Variants in PCDHGA7 observed in about 807,000 individuals in gnomAD.
PCDHGA7 encodes protocadherin gamma subfamily A, 7.
Under a neutral mutation model 58.3 loss-of-function variants are expected in PCDHGA7, and 44 were observed. The observed-to-expected ratio is 0.75, with a 90% CI of 0.59 to 0.97. The LOEUF is 0.97. Ranked by LOEUF, PCDHGA7 falls within the 50% of genes least tolerant of loss-of-function variation. The probability of loss-of-function intolerance (pLI) is 0.00; values close to 1 mark genes in which losing one functional copy is unlikely to be tolerated. For synonymous variants in PCDHGA7, 516 were observed against 504.2 expected, an observed-to-expected ratio of 1.02 and a Z score of -0.31; for missense variants, 1,266 against 1,188.7, an observed-to-expected ratio of 1.06 and a Z score of -0.96.
At chr5:141,418,740 TG>T in intron 1 of PCDHGA7, 1 of 1,613,972 alleles carries the variant, frequency 6.2e-7, no homozygotes, top group Non-Finnish European at 8.5e-7. Context: ...GTGTTCTCTC[TG>T]GATTACACTA....
intron 1 of PCDHGA7, among the ~76,000 whole-genome samples, chr5:141,472,711 C>T (rs1014451209): frequency 4.6e-5 from 7 of 151,904 alleles, no homozygotes; most frequent in Admixed American, 2.0e-4. Context: ...ACAGGCCAGG[C>T]GCTGTGGCTC....
chr5:141,413,880 T>G, intron 1 of PCDHGA7: 1 of 1,613,420 alleles, frequency 6.2e-7, no homozygotes, highest in Non-Finnish European at 8.5e-7. Flanking sequence ...TCAGTGTGAC[T>G]GTCTTCGATG....
intron 2 of PCDHGA7, among the ~76,000 whole-genome samples, chr5:141,501,018 G>A (rs1337771734): frequency 2.0e-5 from 3 of 151,882 alleles, no homozygotes; most frequent in East Asian, 1.9e-4. Context: ...ACAGGCACGC[G>A]CCACCACGCC....
intron 1 of PCDHGA7, among the ~76,000 whole-genome samples, chr5:141,433,408 A>ATCT (rs1413347413): frequency 3.1e-3 from 395 of 127,344 alleles, no homozygotes; most frequent in African/African-American, 0.011. Context: ...TCTATCTATT[A>ATCT]CTTTCTTGTA....
chr5:141,497,540 CTTT>C (rs754207034), intron 2 of PCDHGA7, among the ~76,000 whole-genome samples: 11 of 134,886 alleles, frequency 8.2e-5, no homozygotes, highest in African/African-American at 1.9e-4. Context: ...TGCAACAAAC[CTTT>C]TTTTTTTTTT....
intron 1 of PCDHGA7, chr5:141,421,270 C>G: frequency 6.2e-7 from 1 of 1,612,094 alleles, no homozygotes; most frequent in Non-Finnish European, 8.5e-7. Context: ...TCGGCTGCTG[C>G]TGCTGCTGTG....
At chr5:141,396,955 C>T (rs1476582665) in intron 1 of PCDHGA7, among the ~76,000 whole-genome samples, 2 of 152,156 alleles carry the variant, frequency 1.3e-5, no homozygotes, top group Non-Finnish European at 2.9e-5. Context: ...AAAGAAAATC[C>T]TTACTCTCCC....
chr5:141,505,960 G>A (rs2099849410), intron 3 of PCDHGA7, among the ~76,000 whole-genome samples: 1 of 152,202 alleles, frequency 6.6e-6, no homozygotes, highest in Non-Finnish European at 1.5e-5. Context: ...AGTGGGTGTA[G>A]AAATCCCCAG....
At chr5:141,421,318 C>A (rs370020854) in intron 1 of PCDHGA7, 1 of 1,613,822 alleles carries the variant, frequency 6.2e-7, no homozygotes. Context: ...CCGGGCCAGG[C>A]AGATCCGATA....
chr5:141,383,440 G>A lies in PCDHGA7; in HGVS notation c.541G>A (p.Ala181Thr). 6.2e-7 allele frequency: 1 copy of A among 1,613,950 alleles called. No individual in the cohort carries two copies. Among genetic ancestry groups the A allele is most frequent in the Non-Finnish European group, 8.5e-7 (1 of 1,179,886 alleles). ...CAGCCCCAATCGCCACTTCTCCCTG[G>A]CTGTGCAAAGTGGAGACGATGAAAC... ...QLSPNRHFSL[A>T]VQSGDDETKY... The change falls in exon 1 of 4, where the codon GCT becomes ACT. Residue 181 changes from alanine to threonine, a missense_variant. Coordinates refer to ENST00000518325, the MANE Select transcript of PCDHGA7 (RefSeq NM_018920.4).
At chr5:141,413,411 T>TC in intron 1 of PCDHGA7, 1 of 1,614,038 alleles carries the variant, frequency 6.2e-7, no homozygotes, top group Non-Finnish European at 8.5e-7. Flanking sequence ...ACGCAGCTTT[T>TC]CTCTCTGAAC....
At chr5:141,440,113 G>A (rs1375262224) in intron 1 of PCDHGA7, 1 of 152,248 alleles carries the variant, frequency 6.6e-6, no homozygotes, top group Non-Finnish European at 1.5e-5. Context: ...ACTTACTTGT[G>A]AATGACTGAA....
chr5:141,390,187 G>T, intron 1 of PCDHGA7: 1 of 1,614,040 alleles, frequency 6.2e-7, no homozygotes, highest in Non-Finnish European at 8.5e-7. Flanking sequence ...CTAAAATGTA[G>T]TGAGCAGTTG....
At chr5:141,430,945 C>G (rs1466092130) in intron 1 of PCDHGA7, 1 of 1,609,234 alleles carries the variant, frequency 6.2e-7, no homozygotes, top group Non-Finnish European at 8.5e-7. Context: ...TCGCGGAGCG[C>G]GGAGTCCGCA....
intron 1 of PCDHGA7, among the ~76,000 whole-genome samples, chr5:141,463,179 A>G (rs1261927835): frequency 6.6e-6 from 1 of 152,082 alleles, no homozygotes; most frequent in Non-Finnish European, 1.5e-5. Context: ...GTATGCTCAG[A>G]TTATTATTTA....
At chr5:141,410,189 G>A in intron 1 of PCDHGA7, 1 of 1,613,992 alleles carries the variant, frequency 6.2e-7, no homozygotes, top group Non-Finnish European at 8.5e-7. Context: ...GCTTCATCTG[G>A]TCTTCGCAGA....
Position 141,388,879 on chromosome 5 carries a change from A to C in PCDHGA7, c.2424+3556A>C, listed in dbSNP as rs771776263. 3 of 1,613,956 alleles carry C rather than the reference A, an allele frequency of 1.9e-6. No individual in the cohort carries two copies. In the East Asian group the frequency reaches 6.7e-5, roughly 36 times the overall value. ...GGAATGATTGCGCAATGCACAGTGG[A>C]GGTAGAAGTCATAGATGAAAATGAC... On this transcript the variant is annotated intron_variant, in intron 1 of 3. Transcript: ENST00000518325.
intron 1 of PCDHGA7, chr5:141,419,409 A>G: frequency 6.2e-7 from 1 of 1,613,462 alleles, no homozygotes; most frequent in Non-Finnish European, 8.5e-7. Flanking sequence ...GTGTTCGCGC[A>G]GCGCGCCTTC....
intron 1 of PCDHGA7, among the ~76,000 whole-genome samples, chr5:141,473,873 C>CA (rs1471085914): frequency 2.6e-5 from 4 of 152,130 alleles, no homozygotes; most frequent in African/African-American, 7.2e-5. Flanking sequence ...GTGGAGAATG[C>CA]ATACACAAGG....
Sources: gnomAD v4.1 joint callset for allele counts (sites outside exome capture counted in the v4.1 genomes callset) on GRCh38, gnomAD v4.1.1 for gene constraint, MANE v1.5 for transcripts, NCBI Gene and HGNC (gene_info 2026-07-23, HGNC 2026-07-21) for gene names.